Variants in ALLC observed in about 807,000 individuals in gnomAD.
ALLC encodes the protein allantoicase.
Under a neutral mutation model 45.0 loss-of-function variants are expected in ALLC, and 40 were observed. That is an observed-to-expected ratio of 0.89 (90% CI 0.69 to 1.16). The LOEUF (loss-of-function observed/expected upper bound fraction) is 1.16. Ranked by LOEUF, ALLC falls within the 50% of genes most tolerant of loss-of-function variation. ALLC has a pLI of 0.00. For missense variants in ALLC, 488 were observed against 493.1 expected (o/e 0.99, Z 0.10); for synonymous variants, 176 against 178.1 (o/e 0.99, Z 0.09).
At chr2:3,682,592 C>G (rs542437399) in intron 6 of ALLC, among the ~76,000 whole-genome samples, 1 of 152,168 alleles carries the variant, frequency 6.6e-6, no homozygotes, top group African/African-American at 2.4e-5. Context: ...GGGGCGCGAT[C>G]TCGGCTCACT....
intron 4 of ALLC, 68 bp from the exon 5 acceptor site, chr2:3,679,801 A>G (rs1337800634): frequency 1.3e-6 from 2 of 1,597,632 alleles, no homozygotes; most frequent in Admixed American, 1.7e-5. Context: ...TGTGGGGTGC[A>G]CTGCCTCGCA....
intron 2 of ALLC, among the ~76,000 whole-genome samples, chr2:3,672,605 T>C (rs376751376): frequency 4.9e-3 from 279 of 57,158 alleles, no homozygotes; most frequent in Middle Eastern, 0.033. Context: ...GGTCCTCTGG[T>C]TCTGGTTAGA....
At chr2:3,698,692 G>A (rs368909494) in intron 10 of ALLC, among the ~76,000 whole-genome samples, 26 of 152,178 alleles carry the variant, frequency 1.7e-4, no homozygotes, top group African/African-American at 5.1e-4. Context: ...AGTATTCCAC[G>A]TTAGCCATCT....
Position 3,674,064 on chromosome 2 carries a change from T to A in ALLC, c.34-11T>A. The stretch of plus-strand genomic sequence containing the variant: ...GTTGCTTTATCTTTCTTTCTTTCTT[T>A]CTTTGTCTAGATTTTATTTGCAACA... On this transcript the variant is annotated splice_polypyrimidine_tract_variant and intron_variant, in intron 2 of 11. Transcript: ENST00000252505. The A allele has an allele frequency of 1.3e-6, 2 of 1,538,088 alleles. No individual in the cohort carries two copies. The highest frequency in any genetic ancestry group is 1.8e-6 in the Non-Finnish European group (2 of 1,134,654).
intron 1 of ALLC, among the ~76,000 whole-genome samples, chr2:3,662,646 T>C (rs759910516): frequency 6.6e-6 from 1 of 152,228 alleles, no homozygotes; most frequent in African/African-American, 2.4e-5. Context: ...AAGTGTGTTA[T>C]GTGTATATGA....
rs1667181921 is a variant in ALLC, at chr2:3,681,641, ACCAGAAATC to A, written c.314_322del (p.Ile105_Glu107del). 6.2e-7 allele frequency: 1 copy of A among 1,609,246 alleles called. No individual in the cohort carries two copies. Among genetic ancestry groups the A allele is most frequent in the Non-Finnish European group, 8.5e-7 (1 of 1,177,406 alleles). On this transcript the variant is annotated inframe_deletion, in exon 6 of 12. Coordinates refer to ENST00000252505, the MANE Select transcript of ALLC (RefSeq NM_018436.4). The stretch of plus-strand genomic sequence containing the variant: ...TGGTCATTCCAACTACAGATAAACT[ACCAGAAATC>A]CCAGAAAGAGGAACCAGGACAGGAG...
chr2:3,700,501 C>G (rs1667797081), intron 10 of ALLC, among the ~76,000 whole-genome samples: 1 of 152,114 alleles, frequency 6.6e-6, no homozygotes, highest in Non-Finnish European at 1.5e-5. Flanking sequence ...AACAGTAAAT[C>G]CACTTAAGCA....
chr2:3,681,415 TGTA>T (rs1667174962), intron 5 of ALLC, among the ~76,000 whole-genome samples: 1 of 152,192 alleles, frequency 6.6e-6, no homozygotes, highest in Non-Finnish European at 1.5e-5. Context: ...GACAAGCAAA[TGTA>T]GTATCAAACA....
intron 1 of ALLC, among the ~76,000 whole-genome samples, chr2:3,667,373 C>CA (rs202116687): frequency 0.018 from 2,691 of 152,038 alleles, 69 homozygotes; most frequent in African/African-American, 0.062. Context: ...GCTCTGCACA[C>CA]GGTGCTGAAT....
At chr2:3,683,727 T>C (rs1156582163) in intron 7 of ALLC, among the ~76,000 whole-genome samples, 1 of 152,232 alleles carries the variant, frequency 6.6e-6, no homozygotes, top group Admixed American at 6.5e-5. Flanking sequence ...ATTAACACTT[T>C]CTTTCTTTTT....
intron 10 of ALLC, among the ~76,000 whole-genome samples, chr2:3,698,205 T>C (rs1558549683): frequency 6.6e-6 from 1 of 152,230 alleles, no homozygotes; most frequent in Admixed American, 6.5e-5. Flanking sequence ...CCTCAGGTGA[T>C]ACGCCCGTCT....
chr2:3,682,000 A>G (rs892258761), intron 6 of ALLC, among the ~76,000 whole-genome samples: 31 of 152,228 alleles, frequency 2.0e-4, no homozygotes, highest in African/African-American at 7.0e-4. Context: ...GTAAGCGTTT[A>G]AACACTTTTT....
intron 7 of ALLC, among the ~76,000 whole-genome samples, chr2:3,691,618 A>G (rs1667520681): frequency 6.6e-6 from 1 of 152,076 alleles, no homozygotes; most frequent in Non-Finnish European, 1.5e-5. Flanking sequence ...TTTGGATACA[A>G]TCCATTTCTT....
At chr2:3,694,533 T>A (rs547809380) in intron 7 of ALLC, 2 of 152,232 alleles carry the variant, frequency 1.3e-5, no homozygotes, top group Non-Finnish European at 2.9e-5. Context: ...TCTTATTTTT[T>A]AAAATGTGAA....
rs753814303 is a variant in ALLC at position 3,671,168 on chromosome 2, C to T, written c.11C>T (p.Ala4Val). The T allele has an allele frequency of 6.2e-7, 1 of 1,611,542 alleles. No individual in the cohort carries two copies. Among genetic ancestry groups the T allele is most frequent in the African/African-American group, 1.3e-5 (1 of 74,896 alleles). The change falls in exon 2 of 12, where the codon GCA becomes GTA. Residue 4 changes from alanine to valine, a missense_variant. Physicochemically the swap from Ala to Val is moderately conservative, Grantham distance 64. Transcript: ENST00000252505. ...GACTTCACCCAGCTGATGGACATGGCATCTGAATCCGTAGGAGGAAAAGTA... is the reference window on the plus strand; with the variant it reads ...GACTTCACCCAGCTGATGGACATGGTATCTGAATCCGTAGGAGGAAAAGTA... MDM[A>V]SESVGGKILF...
At chr2:3,675,079 T>C (rs1461508071) in intron 3 of ALLC, among the ~76,000 whole-genome samples, 3 of 152,148 alleles carry the variant, frequency 2.0e-5, no homozygotes, top group Non-Finnish European at 4.4e-5. Context: ...CTTCCAGATA[T>C]GGACTATTAT....
chr2:3,702,264 C>A, intron 11 of ALLC, 99 bp from the exon 12 acceptor site: 1 of 950,140 alleles, frequency 1.1e-6, no homozygotes, highest in Non-Finnish European at 1.5e-6. Context: ...AAAGCCCCTT[C>A]GGTTAAGTCT....
intron 1 of ALLC, among the ~76,000 whole-genome samples, chr2:3,659,229 C>T (rs1322841582): frequency 3.3e-5 from 5 of 152,162 alleles, no homozygotes. Flanking sequence ...AGGGAGGTCT[C>T]TCTTTCTTGT....
intron 7 of ALLC, among the ~76,000 whole-genome samples, chr2:3,691,587 A>G (rs936693982): frequency 2.6e-5 from 4 of 152,094 alleles, no homozygotes; most frequent in Admixed American, 1.3e-4. Context: ...AGGATTTTTT[A>G]TATGCCTTGG....
Sources: allele counts gnomAD v4.1 joint callset (sites outside exome capture counted in the v4.1 genomes callset), GRCh38; gene constraint gnomAD v4.1.1; transcripts MANE v1.5; gene names NCBI Gene and HGNC (gene_info 2026-07-23, HGNC 2026-07-21).